TMPRSS15: variants seen among roughly 807,000 people sequenced by gnomAD.
The protein encoded by TMPRSS15 is transmembrane serine protease 15, also known as enteropeptidase.
TMPRSS15 carries 128 observed loss-of-function variants against 125.3 expected under a neutral mutation model. The ratio of observed to expected loss-of-function variants is 1.02; its 90% CI spans 0.89 to 1.18. The LOEUF is 1.18. Ranked by LOEUF, TMPRSS15 falls within the 50% of genes most tolerant of loss-of-function variation. TMPRSS15 has a pLI of 0.00. For missense variants in TMPRSS15, 1,283 were observed against 1,212.7 expected, an observed-to-expected ratio of 1.06 and a Z score of -0.86; for synonymous variants, 446 against 423.2, an observed-to-expected ratio of 1.05 and a Z score of -0.66.
intron 17 of TMPRSS15, among the ~76,000 whole-genome samples, chr21:18,313,980 G>C (rs866307813): frequency 1.3e-4 from 20 of 151,304 alleles, no homozygotes; most frequent in Middle Eastern, 3.4e-3. Flanking sequence ...CAACCATTTT[G>C]AACAGAATTT....
chr21:18,470,691 T>C (rs1978761823), intron 1 of TMPRSS15, among the ~76,000 whole-genome samples: 1 of 152,012 alleles, frequency 6.6e-6, no homozygotes, highest in South Asian at 2.1e-4. Context: ...CAATTATCAA[T>C]AGATAAACTT....
At chr21:18,353,995 T>G (rs1206527000) in intron 8 of TMPRSS15, 132 bp from the exon 9 acceptor site, 4 of 753,718 alleles carry the variant, frequency 5.3e-6, no homozygotes, top group Non-Finnish European at 8.8e-6. Flanking sequence ...TACCACTTAG[T>G]TAACTAAAAG....
Position 18,378,037 on chromosome 21 carries a change from A to C in TMPRSS15, c.532+1246T>G, listed in dbSNP as rs556856087. Among the ~76,000 whole-genome samples the C allele has an allele frequency of 1.6e-3, 248 of 152,296 alleles. 3 individuals carry two copies. The highest frequency in any genetic ancestry group is 5.7e-3 in the African/African-American group (237 of 41,584). On this transcript the variant is annotated intron_variant, in intron 5 of 24. Coordinates refer to ENST00000284885, the MANE Select transcript of TMPRSS15 (RefSeq NM_002772.3). ...ACTATTAGGACATTTTATACAACTA[A>C]GAGGGCCTTAATGACTTTGAATTAG...
intron 1 of TMPRSS15, among the ~76,000 whole-genome samples, chr21:18,437,876 T>C (rs57979146): frequency 0.11 from 17,400 of 151,486 alleles, 1,125 homozygotes; most frequent in African/African-American, 0.15. Context: ...ACACTGTTGG[T>C]GGGACTGTAA....
In TMPRSS15 at chr21:18,352,968, A is replaced by C; in HGVS notation, c.1106T>G (p.Ile369Ser). The change falls in exon 10 of 25, where the codon ATT (isoleucine) becomes AGT (serine). Residue 369 changes from isoleucine to serine, a missense_variant. By Grantham distance (142) the Ile-to-Ser change is moderately radical. Transcript: ENST00000284885. ...DLNDDNEWER[I>S]QGSTFSPFTG... ...AAAAGGAGAAAAGGTGCTTCCCTGA[A>C]TCCTTTCCCATTCATTATCATCATT... 1 of 1,612,344 alleles carries C rather than the reference A, an allele frequency of 6.2e-7. No individual in the cohort carries two copies. Among genetic ancestry groups the C allele is most frequent in the Non-Finnish European group, 8.5e-7 (1 of 1,178,938 alleles).
chr21:18,315,323 T>C, intron 16 of TMPRSS15, 67 bp from the exon 17 acceptor site: 13 of 1,303,066 alleles, frequency 1.0e-5, no homozygotes, highest in Non-Finnish European at 1.4e-5. Flanking sequence ...GGAGTACAAA[T>C]CCCATTTGCT....
At chr21:18,481,690 C>G (rs944151153) in intron 1 of TMPRSS15, among the ~76,000 whole-genome samples, 2 of 151,690 alleles carry the variant, frequency 1.3e-5, no homozygotes, top group African/African-American at 4.8e-5. Context: ...GTAAAACTCT[C>G]TCTCTTACTA....
intron 13 of TMPRSS15, among the ~76,000 whole-genome samples, chr21:18,336,669 T>C (rs947529054): frequency 2.0e-5 from 3 of 152,192 alleles, no homozygotes; most frequent in African/African-American, 7.2e-5. Context: ...CTTTGTTTTG[T>C]CTTGTTTTGA....
At chr21:18,397,979 T>C in intron 2 of TMPRSS15, 33 bp from the exon 3 acceptor site, 1 of 1,355,118 alleles carries the variant, frequency 7.4e-7, no homozygotes, top group Non-Finnish European at 1.0e-6. Flanking sequence ...ATGAGTATAC[T>C]AAATTTAGGA....
chr21:18,378,626 T>C (rs570882028), intron 5 of TMPRSS15, among the ~76,000 whole-genome samples: 2 of 152,170 alleles, frequency 1.3e-5, no homozygotes, highest in South Asian at 4.1e-4. Flanking sequence ...GGGAGCTGAC[T>C]GAAGATCTAC....
intron 1 of TMPRSS15, among the ~76,000 whole-genome samples, chr21:18,449,629 A>G (rs1252285060): frequency 1.3e-5 from 2 of 152,116 alleles, no homozygotes; most frequent in Non-Finnish European, 2.9e-5. Context: ...TAAATCATGT[A>G]CAGTGTTTAG....
chr21:18,317,950 T>C (rs911163540), intron 16 of TMPRSS15, among the ~76,000 whole-genome samples: 2 of 147,348 alleles, frequency 1.4e-5, no homozygotes, highest in African/African-American at 2.5e-5. Context: ...ATAAAATTTG[T>C]TGGGTAGTGA....
At chr21:18,322,959 T>G (rs1366393827) in intron 16 of TMPRSS15, among the ~76,000 whole-genome samples, 1 of 152,230 alleles carries the variant, frequency 6.6e-6, no homozygotes, top group African/African-American at 2.4e-5. Flanking sequence ...TTATAAATTG[T>G]ATGCTTGTAT....
chr21:18,280,348 G>A (rs984388760), intron 22 of TMPRSS15, among the ~76,000 whole-genome samples: 5 of 152,038 alleles, frequency 3.3e-5, no homozygotes, highest in Middle Eastern at 3.4e-3. Context: ...AGGGCAAGGT[G>A]GGTGGATCAC....
chr21:18,296,180 C>T (rs57270279), intron 19 of TMPRSS15, among the ~76,000 whole-genome samples: 2 of 152,046 alleles, frequency 1.3e-5, no homozygotes, highest in East Asian at 3.9e-4. Context: ...AAAGAATCAG[C>T]ATATAGGTCA....
chr21:18,442,413 C>G (rs1039642634), intron 1 of TMPRSS15, among the ~76,000 whole-genome samples: 1 of 152,074 alleles, frequency 6.6e-6, no homozygotes, highest in Non-Finnish European at 1.5e-5. Flanking sequence ...ACTTTTTTCT[C>G]CTTACATATA....
At chr21:18,289,459 C>A (rs562592405) in intron 21 of TMPRSS15, among the ~76,000 whole-genome samples, 388 of 152,234 alleles carry the variant, frequency 2.5e-3, no homozygotes, top group Non-Finnish European at 3.7e-3. Context: ...TTGCAGTGAG[C>A]CAAGATCGTG....
chr21:18,434,232 C>T (rs953912215), intron 1 of TMPRSS15, among the ~76,000 whole-genome samples: 3 of 152,092 alleles, frequency 2.0e-5, no homozygotes, highest in East Asian at 1.9e-4. Flanking sequence ...CTACATTGCA[C>T]GTATACTCAT....
intron 1 of TMPRSS15, among the ~76,000 whole-genome samples, chr21:18,464,399 A>T (rs1978614251): frequency 6.6e-6 from 1 of 151,998 alleles, no homozygotes; most frequent in Non-Finnish European, 1.5e-5. Context: ...GAAGACAAAA[A>T]ATAACTAAGA....
Sources: allele counts gnomAD v4.1 joint callset (sites outside exome capture counted in the v4.1 genomes callset), GRCh38; gene constraint gnomAD v4.1.1; transcripts MANE v1.5; gene names NCBI Gene and HGNC (gene_info 2026-07-23, HGNC 2026-07-21).